STXBP6: variants seen among roughly 807,000 people sequenced by gnomAD.
STXBP6 encodes syntaxin-binding protein 6.
Under a neutral mutation model 26.9 loss-of-function variants are expected in STXBP6, and 21 were observed. The ratio of observed to expected loss-of-function variants is 0.78; its 90% confidence interval spans 0.55 to 1.12. The LOEUF (loss-of-function observed/expected upper bound fraction) is 1.12. Ranked by LOEUF, STXBP6 falls within the 50% of genes most tolerant of loss-of-function variation. The probability of loss-of-function intolerance (pLI) is 0.00; values close to 1 mark genes in which losing one functional copy is unlikely to be tolerated. For synonymous variants in STXBP6, 97 were observed against 92.6 expected, an observed-to-expected ratio of 1.05 and a Z score of -0.27; for missense variants, 232 against 257.9, an observed-to-expected ratio of 0.90 and a Z score of 0.69.
At chr14:24,825,714 T>G (rs954247332) in intron 4 of STXBP6, among the ~76,000 whole-genome samples, 2 of 152,206 alleles carry the variant, frequency 1.3e-5, no homozygotes, top group African/African-American at 4.8e-5. Context: ...CCCTGTCATA[T>G]AGACAACTAT....
chr14:25,021,918 G>C (rs2075269271), intron 1 of STXBP6, among the ~76,000 whole-genome samples: 1 of 152,184 alleles, frequency 6.6e-6, no homozygotes, highest in African/African-American at 2.4e-5. Context: ...GAATGAGCAA[G>C]ATAACTGTCA....
At chr14:24,951,387 C>T (rs563140469) in intron 2 of STXBP6, among the ~76,000 whole-genome samples, 879 of 36,826 alleles carry the variant, frequency 0.024, 9 homozygotes, top group African/African-American at 0.11. Context: ...TTCTCCACAT[C>T]CTCTCCGGAC....
chr14:24,818,982 C>T, intron 5 of STXBP6, 55 bp downstream of exon 5: 2 of 1,504,070 alleles, frequency 1.3e-6, no homozygotes, highest in East Asian at 2.3e-5. Context: ...AGTTTCTTGG[C>T]ACTGTAGCTC....
intron 2 of STXBP6, among the ~76,000 whole-genome samples, chr14:24,962,325 T>G (rs2073574270): frequency 6.7e-6 from 1 of 148,552 alleles, no homozygotes; most frequent in Non-Finnish European, 1.5e-5. Context: ...ATTTATTTAT[T>G]TATTTATTTA....
At chr14:24,895,502 C>G (rs781568479) in intron 2 of STXBP6, among the ~76,000 whole-genome samples, 1 of 152,212 alleles carries the variant, frequency 6.6e-6, no homozygotes, top group Non-Finnish European at 1.5e-5. Flanking sequence ...TCCCGTAGCA[C>G]TCAGCCACTC....
At chr14:24,883,795 C>T (rs1194274899) in intron 2 of STXBP6, among the ~76,000 whole-genome samples, 1 of 152,070 alleles carries the variant, frequency 6.6e-6, no homozygotes, top group East Asian at 1.9e-4. Flanking sequence ...TGTTTAATCC[C>T]CCTGGGATTC....
intron 1 of STXBP6, among the ~76,000 whole-genome samples, chr14:25,008,337 C>G (rs1474154581): frequency 1.3e-5 from 2 of 152,066 alleles, no homozygotes. Flanking sequence ...GACTCCAACT[C>G]TACAAAAAAT....
chr14:24,851,239 CT>C (rs370916171), intron 4 of STXBP6, among the ~76,000 whole-genome samples: 7 of 146,368 alleles, frequency 4.8e-5, no homozygotes, highest in African/African-American at 1.0e-4. Context: ...GACCACGTCT[CT>C]TTTTTTTTTT....
chr14:25,034,168 G>T (rs1476701744), intron 1 of STXBP6, among the ~76,000 whole-genome samples: 1 of 152,158 alleles, frequency 6.6e-6, no homozygotes, highest in Non-Finnish European at 1.5e-5. Context: ...GGAGGTACCG[G>T]TAATAATACC....
chr14:25,020,876 T>C (rs757734048), intron 1 of STXBP6, among the ~76,000 whole-genome samples: 27 of 152,204 alleles, frequency 1.8e-4, no homozygotes, highest in Non-Finnish European at 3.8e-4. Flanking sequence ...CAGTCTTAGA[T>C]GATGCCTACT....
At chr14:24,912,702 C>G (rs1417970763) in intron 2 of STXBP6, among the ~76,000 whole-genome samples, 1 of 152,088 alleles carries the variant, frequency 6.6e-6, no homozygotes, top group African/African-American at 2.4e-5. Flanking sequence ...GTGTGGCCCT[C>G]AGACCATGCT....
At chr14:25,003,442 G>A (rs1003042002) in intron 1 of STXBP6, among the ~76,000 whole-genome samples, 1 of 152,134 alleles carries the variant, frequency 6.6e-6, no homozygotes, top group African/African-American at 2.4e-5. Context: ...TTTTATTAGG[G>A]AAACAAGTCA....
chr14:24,868,408 T>C (rs2069801096), intron 2 of STXBP6, among the ~76,000 whole-genome samples: 1 of 152,148 alleles, frequency 6.6e-6, no homozygotes. Context: ...TATACACCTA[T>C]TATTAAAAAT....
chr14:25,021,744 G>T (rs1174740897), intron 1 of STXBP6, among the ~76,000 whole-genome samples: 2 of 152,070 alleles, frequency 1.3e-5, no homozygotes, highest in Non-Finnish European at 2.9e-5. Flanking sequence ...ATTATTTAGG[G>T]TTTAAGCTTC....
At chr14:24,820,405 C>T (rs935503998) in intron 4 of STXBP6, among the ~76,000 whole-genome samples, 5 of 152,116 alleles carry the variant, frequency 3.3e-5, no homozygotes, top group African/African-American at 4.8e-5. Flanking sequence ...TTCCATTTTT[C>T]TTCTTTAATG....
At chr14:25,021,253 T>C (rs1193201983) in intron 1 of STXBP6, among the ~76,000 whole-genome samples, 1 of 152,144 alleles carries the variant, frequency 6.6e-6, no homozygotes, top group Non-Finnish European at 1.5e-5. Flanking sequence ...ACCACTCCAT[T>C]TGGGCTTCAG....
In STXBP6 at chr14:24,910,456, A is replaced by C. The variant is rs189909050; in HGVS notation, c.155-53299T>G. Among the ~76,000 whole-genome samples the C allele has an allele frequency of 3.3e-5, 5 of 152,308 alleles. No homozygotes were observed. In the East Asian group the frequency reaches 7.7e-4, roughly 23 times the overall value. On this transcript the variant is annotated intron_variant, in intron 2 of 5. Transcript: ENST00000323944. ...GAGCATACCCTTTAAACAATCATCT[A>C]ATAAATGGATGAAAAATGGAACACA...
At chr14:24,813,933 G>T (rs1299771946) in intron 5 of STXBP6, among the ~76,000 whole-genome samples, 7 of 152,192 alleles carry the variant, frequency 4.6e-5, no homozygotes, top group Non-Finnish European at 8.8e-5. Flanking sequence ...CCCCAGCCAG[G>T]TTTGCATGTG....
chr14:24,992,318 C>A (rs962054190), intron 1 of STXBP6, among the ~76,000 whole-genome samples: 1 of 152,274 alleles, frequency 6.6e-6, no homozygotes, highest in African/African-American at 2.4e-5. Flanking sequence ...CTGCTGCCTC[C>A]TTACCACAAA....
Sources: gnomAD v4.1 joint callset for allele counts (sites outside exome capture counted in the v4.1 genomes callset) on GRCh38, gnomAD v4.1.1 for gene constraint, MANE v1.5 for transcripts, NCBI Gene and HGNC (gene_info 2026-07-23, HGNC 2026-07-21) for gene names.